MAP2K1: variants seen among roughly 807,000 people sequenced by gnomAD.
MAP2K1 encodes the protein dual specificity mitogen-activated protein kinase kinase 1.
MAP2K1 carries 16 observed loss-of-function variants against 46.3 expected under a neutral mutation model. The ratio of observed to expected loss-of-function variants is 0.35; its 90% confidence interval spans 0.23 to 0.52. MAP2K1 has a LOEUF of 0.52. Ranked by LOEUF, MAP2K1 falls within the 20% of genes least tolerant of loss-of-function variation. The pLI is 0.94. For synonymous variants in MAP2K1, 183 were observed against 185.6 expected, an observed-to-expected ratio of 0.99 and a Z score of 0.11; for missense variants, 263 against 497.1, an observed-to-expected ratio of 0.53 and a Z score of 4.48.
chr15:66,421,187 G>A, intron 1 of MAP2K1, among the ~76,000 whole-genome samples: 1 of 151,442 alleles, frequency 6.6e-6, no homozygotes, highest in Non-Finnish European at 1.5e-5. Context: ...CTAGACTGGA[G>A]TGCAGTAGTG....
Position 66,490,902 on chromosome 15 carries a change from G to A in MAP2K1, c.*287G>A, listed in dbSNP as rs184860087. 6.1e-4 allele frequency: 306 copies of A among 504,082 alleles called. 2 individuals carry two copies. The Middle Eastern group carries it at 9.3e-3, about 15-fold the overall frequency. The allele number at this position is 504,082 out of a possible 1,614,324, so 31.2% of individuals were successfully genotyped here. A position where few individuals can be genotyped will look rare whatever the true frequency, so the allele number is the denominator to read the frequency against. On this transcript the variant is annotated 3_prime_UTR_variant, in exon 11 of 11. Transcript: ENST00000307102. ...GGCTGAATTACAGTGAAATTTTGGT[G>A]AATGTGGGTAGTCATTCTTACAATT...
At position 66,387,201 on chromosome 15, in the gene MAP2K1, G is replaced by A. The variant is rs2093343233; in HGVS notation, c.-147G>A. The stretch of plus-strand genomic sequence containing the variant: ...GCTACCGGCCCCTCGGCGCTGACGG[G>A]ACCGCGCGGGGCGCACCCGCTGAAG... On this transcript the variant is annotated 5_prime_UTR_variant, in exon 1 of 11. Coordinates refer to ENST00000307102, the MANE Select transcript of MAP2K1 (RefSeq NM_002755.4). 3.4e-6 allele frequency: 2 copies of A among 585,692 alleles called. No homozygotes were observed. The highest frequency in any genetic ancestry group is 4.0e-5 in the African/African-American group (2 of 49,982). 36.3% of individuals were successfully genotyped at this position (585,692 alleles called of 1,614,324 possible). A position where few individuals can be genotyped will look rare whatever the true frequency, so the allele number is the denominator to read the frequency against.
At chr15:66,473,708 C>T (rs963814948) in intron 5 of MAP2K1, among the ~76,000 whole-genome samples, 1 of 152,096 alleles carries the variant, frequency 6.6e-6, no homozygotes, top group African/African-American at 2.4e-5. Flanking sequence ...GACAAAGTCT[C>T]GCTCTGTCAC....
At position 66,474,687 on chromosome 15, in the gene MAP2K1, C is replaced by G. The variant is rs141891918; in HGVS notation, c.569-7068C>G. Among the ~76,000 whole-genome samples the G allele has an allele frequency of 2.9e-3, 448 of 152,224 alleles. 1 individual carries two copies. The highest frequency in any genetic ancestry group is 0.01 in the African/African-American group (417 of 41,530). ...GGGGTCTGAGTTCTAACCCTTGGCC[C>G]TATCGTTAACTCCCTGTGCCACCCT... On this transcript the variant is annotated intron_variant, in intron 5 of 10. Transcript: ENST00000307102.
At chr15:66,426,478 G>A (rs998450736) in intron 1 of MAP2K1, among the ~76,000 whole-genome samples, 2 of 151,902 alleles carry the variant, frequency 1.3e-5, no homozygotes, top group Non-Finnish European at 2.9e-5. Context: ...TTCTTCTCAA[G>A]AATGAAAACC....
intron 1 of MAP2K1, among the ~76,000 whole-genome samples, chr15:66,421,263 G>A (rs1031230503): frequency 6.6e-6 from 1 of 151,890 alleles, no homozygotes; most frequent in Admixed American, 6.6e-5. Flanking sequence ...GGCCCCCCAA[G>A]TAGTTGAGAC....
intron 1 of MAP2K1, among the ~76,000 whole-genome samples, chr15:66,393,816 C>T (rs2093361951): frequency 6.6e-6 from 1 of 152,200 alleles, no homozygotes; most frequent in East Asian, 1.9e-4. Context: ...GCTTGTCTCT[C>T]AAATACCGTA....
intron 3 of MAP2K1, among the ~76,000 whole-genome samples, chr15:66,440,582 T>A (rs2093501082): frequency 6.6e-6 from 1 of 152,176 alleles, no homozygotes; most frequent in African/African-American, 2.4e-5. Context: ...TTTGGGGAAG[T>A]AGATTGCTGC....
At chr15:66,436,648 T>C in intron 2 of MAP2K1, 98 bp from the exon 3 acceptor site, 1 of 1,216,034 alleles carries the variant, frequency 8.2e-7, no homozygotes, top group South Asian at 1.2e-5. Flanking sequence ...TTCTCCTCCC[T>C]CTACCTTAAA....
chr15:66,452,169 G>T (rs1352570746), intron 5 of MAP2K1, among the ~76,000 whole-genome samples: 1 of 135,198 alleles, frequency 7.4e-6, no homozygotes, highest in Non-Finnish European at 1.6e-5. Flanking sequence ...GATAGCATTG[G>T]GAGATATACC....
At chr15:66,406,157 A>G (rs2093396101) in intron 1 of MAP2K1, among the ~76,000 whole-genome samples, 1 of 152,254 alleles carries the variant, frequency 6.6e-6, no homozygotes, top group Non-Finnish European at 1.5e-5. Context: ...GGGTTGCAAC[A>G]TGAACTAAAA....
intron 5 of MAP2K1, among the ~76,000 whole-genome samples, chr15:66,465,738 T>C (rs1283846094): frequency 3.9e-5 from 6 of 152,194 alleles, no homozygotes; most frequent in Non-Finnish European, 1.5e-5. Context: ...TTTTGAAACG[T>C]ATTTTTTCTC....
At chr15:66,448,417 C>T (rs958143896) in intron 5 of MAP2K1, among the ~76,000 whole-genome samples, 1 of 152,110 alleles carries the variant, frequency 6.6e-6, no homozygotes, top group Non-Finnish European at 1.5e-5. Context: ...TTGGGAAACA[C>T]TGCATTGGGG....
Position 66,452,412 on chromosome 15 carries a change from T to G in MAP2K1, c.568+7705T>G, listed in dbSNP as rs532933793. 2.8e-3 allele frequency among the ~76,000 whole-genome samples: 429 copies of G among 152,194 alleles called. 2 individuals carry two copies. The highest frequency in any genetic ancestry group is 0.017 in the Middle Eastern group (5 of 294). ...GTATCAATAAGAGGTAGTGATTGGT[T>G]TGAGGGGGAAACAGTTTTTCTACCA... On this transcript the variant is annotated intron_variant, in intron 5 of 10. Coordinates refer to ENST00000307102, the MANE Select transcript of MAP2K1 (RefSeq NM_002755.4).
intron 5 of MAP2K1, among the ~76,000 whole-genome samples, chr15:66,445,933 C>G (rs1190791883): frequency 2.6e-5 from 4 of 151,636 alleles, no homozygotes; most frequent in African/African-American, 9.7e-5. Flanking sequence ...AGTTTAAATC[C>G]TTGAAGGGGG....
intron 1 of MAP2K1, among the ~76,000 whole-genome samples, chr15:66,403,317 A>T (rs2093387049): frequency 6.6e-6 from 1 of 152,092 alleles, no homozygotes; most frequent in African/African-American, 2.4e-5. Flanking sequence ...AGAAAAGGTT[A>T]CCCCTCTATA....
chr15:66,422,642 T>C (rs1023126639), intron 1 of MAP2K1, among the ~76,000 whole-genome samples: 4 of 152,210 alleles, frequency 2.6e-5, no homozygotes, highest in South Asian at 2.1e-4. Context: ...TAAATGACTT[T>C]AAGGTTGACT....
intron 1 of MAP2K1, among the ~76,000 whole-genome samples, chr15:66,410,414 A>AG (rs950204434): frequency 6.6e-6 from 1 of 151,288 alleles, no homozygotes; most frequent in Non-Finnish European, 1.5e-5. Flanking sequence ...TTTAGGAAAA[A>AG]GGGGAAAAAA....
Position 66,387,219 on chromosome 15 carries a change from C to T in MAP2K1, c.-129C>T, listed in dbSNP as rs2093343327. ...CTGACGGGACCGCGCGGGGCGCACC[C>T]GCTGAAGGCAGCCCCGGGGCCCGCG... On this transcript the variant is annotated 5_prime_UTR_variant, in exon 1 of 11. Coordinates refer to ENST00000307102, the MANE Select transcript of MAP2K1 (RefSeq NM_002755.4). 3 of 692,468 alleles carry T rather than the reference C, an allele frequency of 4.3e-6. No individual in the cohort carries two copies. The South Asian group carries it at 6.5e-5, about 15-fold the overall frequency. The allele number at this position is 692,468 out of a possible 1,614,324, so 42.9% of individuals were successfully genotyped here. A position where few individuals can be genotyped will look rare whatever the true frequency, so the allele number is the denominator to read the frequency against.
Sources: allele counts gnomAD v4.1 joint callset (sites outside exome capture counted in the v4.1 genomes callset), GRCh38; gene constraint gnomAD v4.1.1; transcripts MANE v1.5; gene names NCBI Gene and HGNC (gene_info 2026-07-23, HGNC 2026-07-21).